Variants in OGG1 observed in about 807,000 individuals in gnomAD.
OGG1 encodes 8-oxoguanine DNA glycosylase, also known as N-glycosylase/DNA lyase.
A neutral mutation model predicts 42.3 loss-of-function variants in OGG1; 35 were observed. That is an observed-to-expected ratio of 0.83 (90% CI 0.63 to 1.10). The LOEUF is 1.10. Among genes scored for constraint, OGG1 ranks in the 50% least tolerant of loss-of-function variants. The pLI is 0.00. For synonymous variants in OGG1, 189 were observed against 179.0 expected (o/e 1.06, Z -0.44); for missense variants, 484 against 446.7 (o/e 1.08, Z -0.75).
downstream of OGG1, chr3:9,757,561 G>A: frequency 6.2e-7 from 1 of 1,614,026 alleles, no homozygotes; most frequent in Non-Finnish European, 8.5e-7. The surrounding 1 kb of genome is among the most constrained non-coding windows in gnomAD (Gnocchi z 4.5). Flanking sequence ...GGGCAGTGTG[G>A]GGGACAGTTC....
At chr3:9,784,595 T>G (rs1414763209) in intron 3 of OGG1, among the ~76,000 whole-genome samples, 1 of 152,136 alleles carries the variant, frequency 6.6e-6, no homozygotes, top group East Asian at 1.9e-4. Context: ...CCAGGCATGG[T>G]GGCTCACACC....
intron 2 of OGG1, among the ~76,000 whole-genome samples, chr3:9,772,644 A>T (rs1299456751): frequency 6.6e-6 from 1 of 151,916 alleles, no homozygotes; most frequent in Non-Finnish European, 1.5e-5. Context: ...TCAGGGAAGG[A>T]CTCTGGCTCT....
intron 3 of OGG1, chr3:9,752,171 C>T: frequency 3.4e-6 from 2 of 593,806 alleles, no homozygotes; most frequent in Admixed American, 2.9e-5. Context: ...GGTTCAATGC[C>T]TAATCAGAAA....
downstream of OGG1, among the ~76,000 whole-genome samples, chr3:9,767,080 C>T (rs1198425149): frequency 2.0e-5 from 3 of 152,260 alleles, no homozygotes; most frequent in South Asian, 2.1e-4. Flanking sequence ...TATGCTATTC[C>T]TTCTGCCTGG....
chr3:9,783,216 AAAG>A (rs1443007680), intron 3 of OGG1: 6 of 152,238 alleles, frequency 3.9e-5, no homozygotes, highest in African/African-American at 1.4e-4. Context: ...TTGGGGATAA[AAAG>A]AAAAGAAGCA....
chr3:9,780,443 T>G, intron 2 of OGG1: 1 of 1,611,634 alleles, frequency 6.2e-7, no homozygotes, highest in Non-Finnish European at 8.5e-7. Context: ...GGAGTCCGCT[T>G]CTTCTGCCGG....
intron 3 of OGG1, among the ~76,000 whole-genome samples, chr3:9,786,350 C>G (rs1322511877): frequency 6.6e-6 from 1 of 152,148 alleles, no homozygotes; most frequent in Admixed American, 6.5e-5. Context: ...GAGATAGAGA[C>G]CTGCCCCTTC....
At chr3:9,769,832 C>T (rs2125602263), downstream of OGG1, 1 of 152,388 alleles carries the variant, frequency 6.6e-6, no homozygotes, top group East Asian at 1.9e-4. Context: ...CCGGCTGTAC[C>T]TGCGGCTGCC....
At chr3:9,780,462 GAT>G in intron 2 of OGG1, 1 of 1,612,078 alleles carries the variant, frequency 6.2e-7, no homozygotes, top group Non-Finnish European at 8.5e-7. Flanking sequence ...GGGCAGCCAT[GAT>G]CTTGCGAAAG....
Position 9,776,534 on chromosome 3 carries a change from T to C in OGG1, c.295-4979T>C, listed in dbSNP as rs2675262. ...CCTCCTGAGTAGCTGGGACTACAGG[T>C]GCCCGCCACCACGCCCGGCTAATTT... On this transcript the variant is annotated intron_variant, in intron 2 of 3. Transcript: ENST00000426518. Among the ~76,000 whole-genome samples, 634 of 151,890 alleles carry C rather than the reference T, an allele frequency of 4.2e-3. 8 individuals carry two copies. Among genetic ancestry groups the C allele is most frequent in the Middle Eastern group, 3.4e-3 (1 of 294 alleles).
At chr3:9,764,497 A>G (rs1431405044) in intron 7 of OGG1, among the ~76,000 whole-genome samples, 4 of 151,756 alleles carry the variant, frequency 2.6e-5, no homozygotes, top group Non-Finnish European at 5.9e-5. Flanking sequence ...TTTTTAGTAG[A>G]GACGGAGTTT....
intron 3 of OGG1, 105 bp from the exon 4 acceptor site, chr3:9,754,599 A>G: frequency 8.0e-7 from 1 of 1,249,084 alleles, no homozygotes; most frequent in Non-Finnish European, 1.1e-6. Context: ...GTAGGAGGGG[A>G]ACTTAGGAAA....
At chr3:9,755,556 C>T (rs540834230) in intron 4 of OGG1, among the ~76,000 whole-genome samples, 5 of 151,948 alleles carry the variant, frequency 3.3e-5, no homozygotes, top group Non-Finnish European at 5.9e-5. Context: ...CTCCGCCTCC[C>T]GGCTTCAAGC....
downstream of OGG1, chr3:9,767,808 T>A: frequency 6.2e-7 from 1 of 1,605,290 alleles, no homozygotes; most frequent in Non-Finnish European, 8.5e-7. Context: ...AGGAGGAGAC[T>A]CAGCAGAGCC....
chr3:9,759,106 G>T (rs560427435), downstream of OGG1: 8 of 1,172,952 alleles, frequency 6.8e-6, no homozygotes, highest in South Asian at 7.3e-5. Flanking sequence ...CTCCAGTCTG[G>T]CCAGGCTTAG....
intron 3 of OGG1, chr3:9,783,710 G>A (rs565216534): frequency 1.4e-5 from 3 of 207,668 alleles, no homozygotes; most frequent in Non-Finnish European, 2.9e-5. Context: ...CCTGGGAGGC[G>A]GAGCTTGCAG....
chr3:9,765,875 C>T (rs1381135793), exon 8 of OGG1: 2 of 1,614,138 alleles, frequency 1.2e-6, no homozygotes, highest in African/African-American at 1.3e-5. Context: ...CCAGGATCAC[C>T]TCCGAGAAGG....
exon 8 of OGG1, chr3:9,766,265 A>C (rs1050995339): frequency 2.8e-6 from 2 of 705,704 alleles, no homozygotes; most frequent in Admixed American, 4.0e-5. Context: ...GAAATGGCCA[A>C]ATATATTTCC....
intron 2 of OGG1, among the ~76,000 whole-genome samples, chr3:9,773,227 T>G (rs2078323196): frequency 7.9e-6 from 1 of 125,818 alleles, no homozygotes; most frequent in African/African-American, 3.5e-5. Context: ...AGACTACATC[T>G]CAAAAAAAAA....
Sources: gnomAD v4.1 joint callset for allele counts (sites outside exome capture counted in the v4.1 genomes callset) on GRCh38, gnomAD v4.1.1 for gene constraint, Gnocchi (gnomAD v3.1) non-coding constraint, MANE v1.5 for transcripts, NCBI Gene and HGNC (gene_info 2026-07-23, HGNC 2026-07-21) for gene names.